GPC6: variants seen among roughly 807,000 people sequenced by gnomAD.
GPC6 encodes the protein glypican-6.
A neutral mutation model predicts 55.2 loss-of-function variants in GPC6; 14 were observed. The observed-to-expected ratio is 0.25, with a 90% confidence interval of 0.17 to 0.40. GPC6 has a LOEUF of 0.40. GPC6 is among the 10% of genes least tolerant of loss of function. The probability of loss-of-function intolerance (pLI) is 1.00; values close to 1 mark genes in which losing one functional copy is unlikely to be tolerated. For synonymous variants in GPC6, 278 were observed against 259.6 expected (o/e 1.07, Z -0.68); for missense variants, 641 against 708.5 (o/e 0.90, Z 1.08).
At chr13:93,491,973 C>A (rs892803579) in intron 1 of GPC6, among the ~76,000 whole-genome samples, 1 of 128,172 alleles carries the variant, frequency 7.8e-6, no homozygotes, top group Admixed American at 7.9e-5. Flanking sequence ...CAGCTTTGTT[C>A]TTTTGGCTTA....
chr13:93,388,574 T>G, intron 1 of GPC6, among the ~76,000 whole-genome samples: 1 of 152,182 alleles, frequency 6.6e-6, no homozygotes, highest in Admixed American at 6.5e-5. Context: ...TAGAGTAGCT[T>G]TCTCTCAAGC....
intron 3 of GPC6, among the ~76,000 whole-genome samples, chr13:93,946,557 G>A (rs888252300): frequency 1.1e-4 from 17 of 152,172 alleles, no homozygotes; most frequent in African/African-American, 4.1e-4. Context: ...AGTGGTATAA[G>A]GACACACAGT....
At chr13:94,169,756 C>T (rs1450281173) in intron 4 of GPC6, among the ~76,000 whole-genome samples, 3 of 152,004 alleles carry the variant, frequency 2.0e-5, no homozygotes, top group Non-Finnish European at 4.4e-5. Flanking sequence ...GAATCAGATT[C>T]ACACTCCCTG....
At chr13:94,076,656 A>G (rs1884924824) in intron 4 of GPC6, among the ~76,000 whole-genome samples, 1 of 151,966 alleles carries the variant, frequency 6.6e-6, no homozygotes, top group Admixed American at 6.6e-5. Context: ...GGGATTTTAT[A>G]TATGGTATAA....
chr13:93,383,536 T>C (rs1875273597), intron 1 of GPC6, among the ~76,000 whole-genome samples: 1 of 152,172 alleles, frequency 6.6e-6, no homozygotes, highest in Admixed American at 6.5e-5. Context: ...ATTGATGTAC[T>C]GAAAAAGCTT....
intron 1 of GPC6, among the ~76,000 whole-genome samples, chr13:93,360,919 A>G (rs752111879): frequency 6.6e-6 from 1 of 152,132 alleles, no homozygotes; most frequent in Non-Finnish European, 1.5e-5. Flanking sequence ...CTGTGTGGCC[A>G]GTGCTTGAGT....
At chr13:93,221,765 A>G in the GPC6 span, among the ~76,000 whole-genome samples, 1 of 152,138 alleles carries the variant, frequency 6.6e-6, no homozygotes, top group Non-Finnish European at 1.5e-5. Flanking sequence ...TAAATTTCTG[A>G]CAGCTTTTTC....
intron 1 of GPC6, among the ~76,000 whole-genome samples, chr13:93,305,342 A>G (rs1395733561): frequency 1.3e-5 from 2 of 152,108 alleles, no homozygotes; most frequent in Non-Finnish European, 2.9e-5. Context: ...AAAGACACAT[A>G]AGACCCCTTG....
intron 4 of GPC6, among the ~76,000 whole-genome samples, chr13:94,204,320 A>G (rs1889841480): frequency 6.6e-6 from 1 of 152,168 alleles, no homozygotes; most frequent in Admixed American, 6.5e-5. Flanking sequence ...GGCAGTGCCT[A>G]AGAATTATGT....
rs181238541 is a variant in GPC6, at chr13:94,171,299, G to A, written c.878-115050G>A. Among the ~76,000 whole-genome samples, 841 of 152,228 alleles carry A rather than the reference G, an allele frequency of 5.5e-3. 3 individuals are homozygous for A. Among genetic ancestry groups the A allele is most frequent in the Non-Finnish European group, 9.4e-3 (638 of 68,004 alleles). The stretch of plus-strand genomic sequence containing the variant: ...CAAGACCATTGAAAACACAGCCAGC[G>A]CAACATAGATTTTAGACCTACTTTT... On this transcript the variant is annotated intron_variant, in intron 4 of 8. Coordinates refer to ENST00000377047, the MANE Select transcript of GPC6 (RefSeq NM_005708.5).
chr13:93,414,860 T>C (rs1268578901), intron 1 of GPC6, among the ~76,000 whole-genome samples: 1 of 152,140 alleles, frequency 6.6e-6, no homozygotes, highest in Non-Finnish European at 1.5e-5. Context: ...TTAGTCCCAC[T>C]TTTTGGCCTG....
At chr13:94,238,320 G>A (rs1156354138) in intron 4 of GPC6, among the ~76,000 whole-genome samples, 2 of 152,140 alleles carry the variant, frequency 1.3e-5, no homozygotes, top group African/African-American at 4.8e-5. Context: ...TCCCCTCAGA[G>A]AGCCTATAGC....
intron 4 of GPC6, among the ~76,000 whole-genome samples, chr13:94,183,161 G>A (rs1028407395): frequency 6.6e-6 from 1 of 152,100 alleles, no homozygotes; most frequent in African/African-American, 2.4e-5. Context: ...GTTCCAAAAT[G>A]TTTCATTGAC....
At chr13:93,767,397 G>A (rs181171355) in intron 2 of GPC6, among the ~76,000 whole-genome samples, 462 of 152,100 alleles carry the variant, frequency 3.0e-3, no homozygotes, top group Middle Eastern at 0.01. Context: ...TATATTTTTC[G>A]GTGTTCGAAG....
intron 4 of GPC6, among the ~76,000 whole-genome samples, chr13:94,190,370 T>A (rs1423223731): frequency 6.6e-6 from 1 of 152,136 alleles, no homozygotes; most frequent in Non-Finnish European, 1.5e-5. Context: ...ACATCCACAT[T>A]ATGATCATCT....
At chr13:93,610,410 A>C (rs1878414109) in intron 2 of GPC6, among the ~76,000 whole-genome samples, 1 of 152,178 alleles carries the variant, frequency 6.6e-6, no homozygotes, top group Admixed American at 6.5e-5. Context: ...TCATGAATTC[A>C]TTTATTCAAG....
intron 3 of GPC6, among the ~76,000 whole-genome samples, chr13:93,873,342 G>A (rs1465909107): frequency 6.6e-6 from 1 of 151,892 alleles, no homozygotes; most frequent in Non-Finnish European, 1.5e-5. Flanking sequence ...TGGGAGGAGT[G>A]ACTAGCAGCT....
intron 2 of GPC6, among the ~76,000 whole-genome samples, chr13:93,817,621 G>C (rs1331649439): frequency 6.6e-6 from 1 of 152,170 alleles, no homozygotes; most frequent in Non-Finnish European, 1.5e-5. Context: ...CACTCTGAGA[G>C]ACCGAGGTAG....
At chr13:93,447,750 T>G (rs1413374340) in intron 1 of GPC6, among the ~76,000 whole-genome samples, 1 of 152,220 alleles carries the variant, frequency 6.6e-6, no homozygotes, top group Admixed American at 6.5e-5. Flanking sequence ...GGTTATACAT[T>G]TCTCTGTACA....
Sources: allele counts gnomAD v4.1 joint callset (sites outside exome capture counted in the v4.1 genomes callset), GRCh38; gene constraint gnomAD v4.1.1; transcripts MANE v1.5; gene names NCBI Gene and HGNC (gene_info 2026-07-23, HGNC 2026-07-21).